LRRC4C: variants seen among roughly 807,000 people sequenced by gnomAD.
LRRC4C encodes leucine-rich repeat-containing protein 4C.
A neutral mutation model predicts 33.6 loss-of-function variants in LRRC4C; 5 were observed. The observed-to-expected ratio is 0.15, with a 90% CI of 0.08 to 0.31. The LOEUF (loss-of-function observed/expected upper bound fraction) is 0.31. LRRC4C is among the 10% of genes least tolerant of loss of function. The pLI, the probability that LRRC4C is intolerant of heterozygous loss-of-function variation, is 1.00. For missense variants in LRRC4C, 560 were observed against 796.7 expected (o/e 0.70, Z 3.58); for synonymous variants, 329 against 302.0 (o/e 1.09, Z -0.93).
intron 1 of LRRC4C, among the ~76,000 whole-genome samples, chr11:41,354,112 T>G (rs1340587400): frequency 6.6e-6 from 1 of 152,222 alleles, no homozygotes; most frequent in Non-Finnish European, 1.5e-5. Context: ...GATATAATTC[T>G]ATACCTAGAA....
chr11:40,482,286 C>G (rs138372603), intron 3 of LRRC4C, among the ~76,000 whole-genome samples: 10 of 152,168 alleles, frequency 6.6e-5, no homozygotes, highest in Admixed American at 5.2e-4. Context: ...GTAGTTCAGG[C>G]AAAACCCTTA....
At chr11:41,309,912 T>C (rs1468190554) in intron 1 of LRRC4C, among the ~76,000 whole-genome samples, 5 of 152,242 alleles carry the variant, frequency 3.3e-5, no homozygotes, top group African/African-American at 9.6e-5. Context: ...TGACTAGTAG[T>C]GTAACCTTTG....
At chr11:40,164,675 T>C (rs1859439157) in intron 5 of LRRC4C, among the ~76,000 whole-genome samples, 1 of 152,070 alleles carries the variant, frequency 6.6e-6, no homozygotes, top group African/African-American at 2.4e-5. Flanking sequence ...AGGTAGAGAG[T>C]AGAATGATAG....
chr11:40,982,810 C>A (rs1050661246), intron 1 of LRRC4C, among the ~76,000 whole-genome samples: 2 of 152,074 alleles, frequency 1.3e-5, no homozygotes, highest in African/African-American at 2.4e-5. Flanking sequence ...TTTCCTGATC[C>A]TCTTCCTCCT....
At chr11:40,681,205 T>C (rs1169085217) in intron 2 of LRRC4C, among the ~76,000 whole-genome samples, 2 of 152,142 alleles carry the variant, frequency 1.3e-5, no homozygotes, top group African/African-American at 4.8e-5. Context: ...TGAACCAAAA[T>C]AGACACTGGT....
At chr11:40,952,515 GA>G (rs1958741866) in intron 1 of LRRC4C, among the ~76,000 whole-genome samples, 1 of 151,810 alleles carries the variant, frequency 6.6e-6, no homozygotes, top group Admixed American at 6.6e-5. Flanking sequence ...CTAGAATTAA[GA>G]TGTTGCTATA....
At chr11:40,527,105 C>T (rs1956082436) in intron 3 of LRRC4C, among the ~76,000 whole-genome samples, 1 of 152,144 alleles carries the variant, frequency 6.6e-6, no homozygotes, top group East Asian at 1.9e-4. Context: ...ACAGTCATCA[C>T]CCTGCAATGG....
At chr11:41,350,261 A>C (rs1051087402) in intron 1 of LRRC4C, among the ~76,000 whole-genome samples, 6 of 152,328 alleles carry the variant, frequency 3.9e-5, no homozygotes, top group African/African-American at 1.4e-4. Context: ...CTGTAATCCC[A>C]GCACTTTGGG....
chr11:40,759,418 G>A (rs539387506), intron 2 of LRRC4C, among the ~76,000 whole-genome samples: 1 of 151,510 alleles, frequency 6.6e-6, no homozygotes, highest in Non-Finnish European at 1.5e-5. Flanking sequence ...TAAACCATGT[G>A]ACATCAAATA....
At chr11:40,142,610 A>T (rs1167205979) in intron 5 of LRRC4C, among the ~76,000 whole-genome samples, 1 of 151,166 alleles carries the variant, frequency 6.6e-6, no homozygotes, top group African/African-American at 2.4e-5. Context: ...CTACAAAACG[A>T]CTCCCTTGCT....
chr11:41,227,343 G>T (rs1298461821), intron 1 of LRRC4C, among the ~76,000 whole-genome samples: 1 of 152,028 alleles, frequency 6.6e-6, no homozygotes, highest in East Asian at 1.9e-4. Flanking sequence ...TATAGAGTAA[G>T]TACAATATAT....
chr11:40,849,475 C>G (rs1265480915), intron 2 of LRRC4C, among the ~76,000 whole-genome samples: 2 of 152,182 alleles, frequency 1.3e-5, no homozygotes, highest in Non-Finnish European at 1.5e-5. Flanking sequence ...GGCCCCCACT[C>G]TCTTCTGGCT....
In LRRC4C at chr11:41,339,118, T is replaced by C. The variant is rs1041009922; in HGVS notation, c.-496+120313A>G. Among the ~76,000 whole-genome samples the C allele has an allele frequency of 4.6e-5, 7 of 152,184 alleles. No homozygotes were observed. In the East Asian group the frequency reaches 1.3e-3, roughly 29 times the overall value. On this transcript the variant is annotated intron_variant, in intron 1 of 6. Coordinates refer to ENST00000528697, the MANE Select transcript of LRRC4C (RefSeq NM_001258419.2). ...TTTTATAGAAATACTAGATTCACAA[T>C]GCTATCAAACATAGGGAAAGTATAG... is the stretch of plus-strand genomic sequence containing the variant.
At chr11:40,273,018 G>A (rs1215618358) in intron 4 of LRRC4C, among the ~76,000 whole-genome samples, 1 of 152,066 alleles carries the variant, frequency 6.6e-6, no homozygotes, top group African/African-American at 2.4e-5. Context: ...TTAAAACACT[G>A]TGATAATGAG....
Position 40,881,295 on chromosome 11 carries a change from A to G in LRRC4C, c.-407+52340T>C, listed in dbSNP as rs560224082. ...ATCTTACTAAATTCAGTCCAACAGC[A>G]TACATTTTTTGTTGATTATTGTGTA... is the stretch of plus-strand genomic sequence containing the variant. On this transcript the variant is annotated intron_variant, in intron 2 of 6. Transcript: ENST00000528697. Among the ~76,000 whole-genome samples, 13 of 152,292 alleles carry G rather than the reference A, an allele frequency of 8.5e-5. No individual in the cohort carries two copies. The East Asian group carries it at 2.3e-3, about 27-fold the overall frequency.
intron 1 of LRRC4C, among the ~76,000 whole-genome samples, chr11:41,019,153 T>C (rs1855787226): frequency 6.6e-6 from 1 of 151,980 alleles, no homozygotes; most frequent in African/African-American, 2.4e-5. Context: ...TATTGACCTG[T>C]CCTCTAAGTT....
intron 5 of LRRC4C, among the ~76,000 whole-genome samples, chr11:40,158,299 C>T (rs758414595): frequency 2.6e-5 from 4 of 151,980 alleles, no homozygotes; most frequent in Non-Finnish European, 5.9e-5. Flanking sequence ...TAAAAGACTA[C>T]AAATATGGTG....
At chr11:40,282,707 C>T (rs1943562985) in intron 4 of LRRC4C, among the ~76,000 whole-genome samples, 3 of 152,064 alleles carry the variant, frequency 2.0e-5, no homozygotes, top group Admixed American at 1.3e-4. Context: ...AAAATTAAGC[C>T]ATAATTAAAT....
intron 1 of LRRC4C, among the ~76,000 whole-genome samples, chr11:41,393,729 T>C (rs1387572229): frequency 2.0e-5 from 3 of 151,912 alleles, no homozygotes; most frequent in Non-Finnish European, 2.9e-5. Context: ...TCTGTGCAAA[T>C]GAGTCTGTCA....
Sources: allele counts gnomAD v4.1 joint callset (sites outside exome capture counted in the v4.1 genomes callset), GRCh38; gene constraint gnomAD v4.1.1; transcripts MANE v1.5; gene names NCBI Gene and HGNC (gene_info 2026-07-23, HGNC 2026-07-21).